PRKCB: variants seen among roughly 807,000 people sequenced by gnomAD.
PRKCB encodes the protein protein kinase C beta type.
A neutral mutation model predicts 81.5 loss-of-function variants in PRKCB; 13 were observed. The ratio of observed to expected loss-of-function variants is 0.16; its 90% CI spans 0.10 to 0.25. PRKCB has a LOEUF of 0.25. Ranked by LOEUF, PRKCB falls within the 10% of genes least tolerant of loss-of-function variation. The pLI, the probability that PRKCB is intolerant of heterozygous loss-of-function variation, is 1.00. For missense variants in PRKCB, 509 were observed against 875.7 expected, an observed-to-expected ratio of 0.58 and a Z score of 5.29; for synonymous variants, 335 against 321.4, an observed-to-expected ratio of 1.04 and a Z score of -0.45.
chr16:24,125,914 G>A (rs1203628136), intron 9 of PRKCB, among the ~76,000 whole-genome samples: 2 of 152,210 alleles, frequency 1.3e-5, no homozygotes, highest in African/African-American at 4.8e-5. Context: ...GGAATAGGCA[G>A]TTGGCAGTGG....
chr16:24,077,989 T>G (rs921198344), intron 5 of PRKCB, among the ~76,000 whole-genome samples: 1 of 152,224 alleles, frequency 6.6e-6, no homozygotes, highest in African/African-American at 2.4e-5. Flanking sequence ...GGGAAGGCTT[T>G]TGTCCCAAGC....
At chr16:24,153,895 G>T (rs1309252101) in intron 9 of PRKCB, among the ~76,000 whole-genome samples, 1 of 152,194 alleles carries the variant, frequency 6.6e-6, no homozygotes, top group Non-Finnish European at 1.5e-5. Flanking sequence ...GTGCTTAGCA[G>T]GTTCTTAGTG....
At chr16:24,073,009 C>G (rs1219537582) in intron 5 of PRKCB, among the ~76,000 whole-genome samples, 1 of 152,190 alleles carries the variant, frequency 6.6e-6, no homozygotes, top group Non-Finnish European at 1.5e-5. Context: ...ATCAAAACAT[C>G]AAAATATCTC....
At chr16:24,134,292 G>T (rs898885840) in intron 9 of PRKCB, among the ~76,000 whole-genome samples, 3 of 151,780 alleles carry the variant, frequency 2.0e-5, no homozygotes, top group African/African-American at 7.3e-5. Context: ...GTTACAAAAC[G>T]ATTACAAGAG....
Position 24,180,666 on chromosome 16 carries a change from G to A in PRKCB, c.1395-124G>A, listed in dbSNP as rs114292997. The A allele has an allele frequency of 1.2e-3, 1,471 of 1,190,240 alleles. 13 individuals carry two copies. The African/African-American group carries it at 0.02, about 16-fold the overall frequency. 73.7% of individuals were successfully genotyped at this position (1,190,240 alleles called of 1,614,324 possible). A position where few individuals can be genotyped will look rare whatever the true frequency, so the allele number is the denominator to read the frequency against. On this transcript the variant is annotated intron_variant, in intron 12 of 16. Coordinates refer to ENST00000643927, the MANE Select transcript of PRKCB (RefSeq NM_002738.7). ...GTAAGCTGTTGGAGGTCAAAGGCTG[G>A]TTTCTACTGACCTTTGTGCCCACAC...
At chr16:24,126,571 G>GT (rs1966844607) in intron 9 of PRKCB, among the ~76,000 whole-genome samples, 2 of 151,996 alleles carry the variant, frequency 1.3e-5, no homozygotes, top group Non-Finnish European at 2.9e-5. Context: ...GCTAATTTTT[G>GT]TTTTTGTTTT....
At chr16:24,051,421 A>G (rs9925572) in intron 5 of PRKCB, among the ~76,000 whole-genome samples, 5 of 152,170 alleles carry the variant, frequency 3.3e-5, no homozygotes, top group Admixed American at 2.6e-4. Flanking sequence ...TAAGAGCCCC[A>G]TGAAGGAGTT....
chr16:24,219,523 T>A lies in PRKCB; in HGVS notation c.*4707T>A. ...CAGTTCACCTTTTCAGAGAAAGAGG[T>A]CTTCTAGCCACCTGGGCTGCTACTG... On this transcript the variant is annotated 3_prime_UTR_variant, in exon 17 of 17. Transcript: ENST00000643927. 1.0e-6 allele frequency: 1 copy of A among 987,852 alleles called. No homozygotes were observed. The highest frequency in any genetic ancestry group is 1.2e-6 in the Non-Finnish European group (1 of 831,720). The allele number at this position is 987,852 out of a possible 1,614,324, so 61.2% of individuals were successfully genotyped here. A position where few individuals can be genotyped will look rare whatever the true frequency, so the allele number is the denominator to read the frequency against.
In PRKCB at chr16:24,218,811, T is replaced by C. The variant is rs1968273345; in HGVS notation, c.*3995T>C. 1 of 985,442 alleles carries C rather than the reference T, an allele frequency of 1.0e-6. No homozygotes were observed. Among genetic ancestry groups the C allele is most frequent in the Non-Finnish European group, 1.2e-6 (1 of 829,944 alleles). The allele number at this position is 985,442 out of a possible 1,614,324, so 61.0% of individuals were successfully genotyped here. Reference sequence around the variant, plus strand: ...CGGGAATGTGCAGGGCACTAGGGAATACAAGGCCTTCTTCCCTGGTTGTCT... The same window carrying C: ...CGGGAATGTGCAGGGCACTAGGGAACACAAGGCCTTCTTCCCTGGTTGTCT... On this transcript the variant is annotated 3_prime_UTR_variant, in exon 17 of 17. Transcript: ENST00000643927.
In PRKCB at chr16:24,143,719, T is replaced by C. The variant is rs1307701362; in HGVS notation, c.1066-10965T>C. ...ACAGAAGACTCACTTGTTTGTTTCA[T>C]GTAATCTTGAATGATGCTCTTCTCC... On this transcript the variant is annotated intron_variant, in intron 9 of 16. Transcript: ENST00000643927. 3.9e-5 allele frequency among the ~76,000 whole-genome samples: 6 copies of C among 152,240 alleles called. No individual in the cohort carries two copies. The South Asian group carries it at 1.2e-3, about 31-fold the overall frequency.
At chr16:24,149,059 G>A (rs1233326620) in intron 9 of PRKCB, among the ~76,000 whole-genome samples, 1 of 152,166 alleles carries the variant, frequency 6.6e-6, no homozygotes, top group African/African-American at 2.4e-5. Flanking sequence ...ACTGGCTGGA[G>A]CACCTGGGGC....
At chr16:24,137,639 A>C (rs964006790) in intron 9 of PRKCB, among the ~76,000 whole-genome samples, 2 of 152,238 alleles carry the variant, frequency 1.3e-5, no homozygotes, top group Non-Finnish European at 2.9e-5. Context: ...TTATTGTGCT[A>C]TCATGGTACC....
At chr16:24,169,105 A>G (rs1276282760) in intron 10 of PRKCB, among the ~76,000 whole-genome samples, 1 of 152,126 alleles carries the variant, frequency 6.6e-6, no homozygotes, top group East Asian at 1.9e-4. Flanking sequence ...AAATGAAGAT[A>G]TCAAGGCTCA....
rs923562577 is a variant in PRKCB, at chr16:24,217,337, T to C, written c.*2521T>C. ...AGAATTTCTACCACTTCCTTTTCTA[T>C]CCACATTTCCAGTGCAGAAGAAACT... On this transcript the variant is annotated 3_prime_UTR_variant, in exon 17 of 17. Transcript: ENST00000643927. 2.0e-6 allele frequency: 2 copies of C among 985,272 alleles called. No individual in the cohort carries two copies. Among genetic ancestry groups the C allele is most frequent in the Non-Finnish European group, 2.4e-6 (2 of 829,930 alleles). The allele number at this position is 985,272 out of a possible 1,614,324, so 61.0% of individuals were successfully genotyped here.
intron 7 of PRKCB, among the ~76,000 whole-genome samples, chr16:24,096,665 AAATATATATATATATATATATATAT>A (rs1348513411): frequency 1.3e-4 from 5 of 39,288 alleles, no homozygotes; most frequent in African/African-American, 2.9e-4. Flanking sequence ...AAAAAAAAAA[AAATATATATATATATATATATATAT>A]ATATATATAT....
chr16:23,938,747 A>G (rs1263834245), intron 2 of PRKCB, among the ~76,000 whole-genome samples: 1 of 152,236 alleles, frequency 6.6e-6, no homozygotes, highest in Non-Finnish European at 1.5e-5. Context: ...AATGAAGTAA[A>G]ACTAGAAGTT....
In PRKCB at chr16:23,941,478, C is replaced by T. The variant is rs369290396; in HGVS notation, c.206-47030C>T. Reference sequence around the variant, plus strand: ...AAAAAATAAAGCCATGGTCTAATTTCACTTATAAACACAGAGAAAACAGTC... The same window carrying T: ...AAAAAATAAAGCCATGGTCTAATTTTACTTATAAACACAGAGAAAACAGTC... On this transcript the variant is annotated intron_variant, in intron 2 of 16. Coordinates refer to ENST00000643927, the MANE Select transcript of PRKCB (RefSeq NM_002738.7). Among the ~76,000 whole-genome samples the T allele has an allele frequency of 3.9e-5, 6 of 152,242 alleles. No homozygotes were observed. In the South Asian group the frequency reaches 6.2e-4, roughly 16 times the overall value.
chr16:24,127,349 A>T (rs1966846297), intron 9 of PRKCB, among the ~76,000 whole-genome samples: 2 of 152,138 alleles, frequency 1.3e-5, no homozygotes, highest in Non-Finnish European at 2.9e-5. Flanking sequence ...TTCATCATTA[A>T]GATTATATTA....
chr16:23,948,026 G>A (rs1208655003), intron 2 of PRKCB, among the ~76,000 whole-genome samples: 1 of 152,042 alleles, frequency 6.6e-6, no homozygotes, highest in Non-Finnish European at 1.5e-5. Context: ...TGTCAATCAG[G>A]TGAGTCCTTG....
Sources: gnomAD v4.1 joint callset for allele counts (sites outside exome capture counted in the v4.1 genomes callset) on GRCh38, gnomAD v4.1.1 for gene constraint, MANE v1.5 for transcripts, NCBI Gene and HGNC (gene_info 2026-07-23, HGNC 2026-07-21) for gene names.